The following UBE2U variants were observed in gnomAD, a reference collection of about 807,000 sequenced individuals.
UBE2U encodes ubiquitin conjugating enzyme E2 U, also known as ubiquitin-conjugating enzyme E2 U.
UBE2U carries 39 observed loss-of-function variants against 41.2 expected under a neutral mutation model. The ratio of observed to expected loss-of-function variants is 0.95; its 90% CI spans 0.73 to 1.24. The LOEUF is 1.24. Ranked by LOEUF, UBE2U falls within the 50% of genes most tolerant of loss-of-function variation. The pLI, the probability that UBE2U is intolerant of heterozygous loss-of-function variation, is 0.00. For synonymous variants in UBE2U, 107 were observed against 117.8 expected (o/e 0.91, Z 0.60); for missense variants, 336 against 363.1 (o/e 0.93, Z 0.61).
In UBE2U at chr1:64,220,255, A is replaced by AGAGG. The variant is rs899223832; in HGVS notation, c.458-601_458-600insGGAG. Among the ~76,000 whole-genome samples the AGAGG allele has an allele frequency of 9.2e-5, 14 of 152,202 alleles. No individual in the cohort carries two copies. The South Asian group carries it at 1.5e-3, about 16-fold the overall frequency. On this transcript the variant is annotated intron_variant, in intron 5 of 9. Transcript: ENST00000371077. ...GCCAGGCTTGTGGAGAGAGAGAGAG[A>AGAGG]GAGAGAGAGCAAGTGCAAGCAAGAG...
At chr1:64,229,255 A>G (rs112241391) in intron 6 of UBE2U, among the ~76,000 whole-genome samples, 249 of 152,210 alleles carry the variant, frequency 1.6e-3, no homozygotes, top group African/African-American at 5.5e-3. Flanking sequence ...TCAGTACCAA[A>G]TATGGTTTTC....
At chr1:64,231,157 T>C (rs1444904069) in intron 6 of UBE2U, among the ~76,000 whole-genome samples, 5 of 147,284 alleles carry the variant, frequency 3.4e-5, no homozygotes, top group African/African-American at 7.5e-5. Context: ...AGAAAGCCCC[T>C]GAAGGCTAAC....
At chr1:64,216,332 A>G (rs955898910) in intron 5 of UBE2U, among the ~76,000 whole-genome samples, 9 of 152,240 alleles carry the variant, frequency 5.9e-5, no homozygotes, top group Non-Finnish European at 1.2e-4. Context: ...GTGGGCTTTC[A>G]TCTGGAATAC....
chr1:64,218,062 T>A (rs1412134781), intron 5 of UBE2U, among the ~76,000 whole-genome samples: 1 of 152,172 alleles, frequency 6.6e-6, no homozygotes, highest in Non-Finnish European at 1.5e-5. Flanking sequence ...AAAGTGAGTA[T>A]ACTTCTTTGG....
At chr1:64,257,639 G>A (rs1247489510) in intron 8 of UBE2U, among the ~76,000 whole-genome samples, 2 of 152,162 alleles carry the variant, frequency 1.3e-5, no homozygotes, top group Non-Finnish European at 2.9e-5. Flanking sequence ...GGGATGGAGA[G>A]CATCAGGAAG....
chr1:64,234,527 A>T (rs1644631059), intron 7 of UBE2U, among the ~76,000 whole-genome samples: 2 of 152,234 alleles, frequency 1.3e-5, no homozygotes, highest in Admixed American at 1.3e-4. Context: ...GGCAAAAAAT[A>T]GTACTAAGCT....
At chr1:64,233,068 C>T (rs1161900541) in intron 7 of UBE2U, among the ~76,000 whole-genome samples, 3 of 151,496 alleles carry the variant, frequency 2.0e-5, no homozygotes, top group Admixed American at 1.3e-4. Context: ...AGTGCAGTGA[C>T]GCAATCTCAG....
At chr1:64,237,033 G>A (rs1018737499) in intron 7 of UBE2U, among the ~76,000 whole-genome samples, 1 of 152,166 alleles carries the variant, frequency 6.6e-6, no homozygotes, top group African/African-American at 2.4e-5. Context: ...GATGTCAGAA[G>A]TTAGAAACTC....
chr1:64,223,891 T>G (rs2100342383), intron 6 of UBE2U, among the ~76,000 whole-genome samples: 1 of 152,264 alleles, frequency 6.6e-6, no homozygotes, highest in Non-Finnish European at 1.5e-5. Flanking sequence ...CAGCAGGACA[T>G]CTTTCCAACA....
chr1:64,256,292 A>T (rs1557747688), intron 8 of UBE2U, among the ~76,000 whole-genome samples: 3 of 152,232 alleles, frequency 2.0e-5, no homozygotes, highest in Non-Finnish European at 4.4e-5. Context: ...ATGGACCAAA[A>T]AAGAACCCAA....
intron 9 of UBE2U, among the ~76,000 whole-genome samples, chr1:64,262,573 T>A (rs1344164495): frequency 6.6e-6 from 1 of 152,170 alleles, no homozygotes; most frequent in Non-Finnish European, 1.5e-5. Flanking sequence ...CTCCCTCAGC[T>A]GCTGAGGGCT....
intron 8 of UBE2U, among the ~76,000 whole-genome samples, chr1:64,254,215 C>G (rs541541754): frequency 1.3e-5 from 2 of 152,206 alleles, no homozygotes; most frequent in South Asian, 4.1e-4. Flanking sequence ...GCTAATTATC[C>G]TAAATATATA....
At chr1:64,264,255 A>G (rs1241002851) in intron 9 of UBE2U, among the ~76,000 whole-genome samples, 1 of 152,228 alleles carries the variant, frequency 6.6e-6, no homozygotes, top group Non-Finnish European at 1.5e-5. Context: ...TCAGAGGCAG[A>G]GTTTCCATGA....
chr1:64,232,342 A>T (rs137885032), intron 6 of UBE2U, among the ~76,000 whole-genome samples: 15 of 152,288 alleles, frequency 9.8e-5, no homozygotes, highest in African/African-American at 3.6e-4. Context: ...TACATTTATC[A>T]TTGAAATATG....
chr1:64,236,461 A>C (rs1011035181), intron 7 of UBE2U, among the ~76,000 whole-genome samples: 2 of 152,204 alleles, frequency 1.3e-5, no homozygotes, highest in Non-Finnish European at 2.9e-5. Context: ...ATCGTATGGA[A>C]AATGTACCAA....
intron 7 of UBE2U, among the ~76,000 whole-genome samples, chr1:64,234,832 G>A (rs2100406266): frequency 6.6e-6 from 1 of 152,240 alleles, no homozygotes; most frequent in South Asian, 2.1e-4. Flanking sequence ...TATGTATGAG[G>A]CACTGAGCAG....
intron 7 of UBE2U, among the ~76,000 whole-genome samples, chr1:64,239,038 A>G (rs2100427278): frequency 7.4e-6 from 1 of 135,252 alleles, no homozygotes; most frequent in Middle Eastern, 3.7e-3. Flanking sequence ...TGAGACCCCC[A>G]TCTCAAAAAG....
At chr1:64,237,543 T>C (rs1644692243) in intron 7 of UBE2U, among the ~76,000 whole-genome samples, 1 of 152,192 alleles carries the variant, frequency 6.6e-6, no homozygotes, top group Non-Finnish European at 1.5e-5. Context: ...CATTCTTTCA[T>C]TGTTTCTCTC....
intron 8 of UBE2U, among the ~76,000 whole-genome samples, chr1:64,245,793 A>G (rs1038276881): frequency 2.6e-5 from 4 of 152,118 alleles, no homozygotes; most frequent in Non-Finnish European, 5.9e-5. Context: ...CTCCTTTTCA[A>G]TGGATAACCG....
Sources: allele counts gnomAD v4.1 joint callset (sites outside exome capture counted in the v4.1 genomes callset), GRCh38; gene constraint gnomAD v4.1.1; transcripts MANE v1.5; gene names NCBI Gene and HGNC (gene_info 2026-07-23, HGNC 2026-07-21).